SLC25A21: variants seen among roughly 807,000 people sequenced by gnomAD.
The protein encoded by SLC25A21 is solute carrier family 25 member 21, also known as mitochondrial 2-oxodicarboxylate carrier.
Under a neutral mutation model 43.8 loss-of-function variants are expected in SLC25A21, and 47 were observed. The observed-to-expected ratio is 1.07, with a 90% CI of 0.85 to 1.37. The LOEUF (loss-of-function observed/expected upper bound fraction) is 1.37, where lower values mean the gene tolerates loss of function less well. SLC25A21 is among the 40% of genes most tolerant of loss of function. The pLI is 0.00. For synonymous variants in SLC25A21, 131 were observed against 121.3 expected, an observed-to-expected ratio of 1.08 and a Z score of -0.52; for missense variants, 352 against 350.2, an observed-to-expected ratio of 1.00 and a Z score of -0.04.
chr14:36,774,206 T>C (rs1221827645), intron 3 of SLC25A21, among the ~76,000 whole-genome samples: 6 of 152,218 alleles, frequency 3.9e-5, no homozygotes, highest in Non-Finnish European at 5.9e-5. Context: ...GTTGCTTTCT[T>C]AATATTTAGC....
chr14:37,167,591 A>C (rs1262234408), intron 1 of SLC25A21, among the ~76,000 whole-genome samples: 1 of 152,160 alleles, frequency 6.6e-6, no homozygotes, highest in East Asian at 1.9e-4. Flanking sequence ...CCTTTGTGGG[A>C]CTAACAAATT....
intron 1 of SLC25A21, among the ~76,000 whole-genome samples, chr14:37,046,789 G>A (rs1961596164): frequency 6.6e-6 from 1 of 152,080 alleles, no homozygotes; most frequent in Non-Finnish European, 1.5e-5. Flanking sequence ...TGCAGGATAG[G>A]GGATTTTTAG....
At chr14:36,866,842 G>T (rs948872388) in intron 2 of SLC25A21, among the ~76,000 whole-genome samples, 5 of 152,138 alleles carry the variant, frequency 3.3e-5, no homozygotes, top group Admixed American at 6.5e-5. Context: ...AAAAACAAAA[G>T]AATGGAAAAT....
At position 36,711,342 on chromosome 14, in the gene SLC25A21, G is replaced by A; in HGVS notation, c.579C>T (p.Val193=). The change falls in exon 7 of 10, where the codon GTC becomes GTT. Residue 193 remains valine, a synonymous_variant. Coordinates refer to ENST00000331299, the MANE Select transcript of SLC25A21 (RefSeq NM_030631.4). ...NMVYFGFYYN[V]KNMIPVNKDP... is the part of the protein sequence containing the mutation. ...CCTTATTGACAGGAATCATGTTTTT[G>A]ACATTGTAGTAGAAGCCAAAATAAA... 1 of 1,613,502 alleles carries A rather than the reference G, an allele frequency of 6.2e-7. No individual in the cohort carries two copies. Among genetic ancestry groups the A allele is most frequent in the Non-Finnish European group, 8.5e-7 (1 of 1,179,866 alleles).
rs1297418704 is a variant in SLC25A21 at position 37,040,431 on chromosome 14, GAAAGAAAGA to G, written c.70+131841_70+131849del. On this transcript the variant is annotated intron_variant, in intron 1 of 9. Transcript: ENST00000331299. ...AGAAAGAAAGAAAGAAAGAAAGAAA[GAAAGAAAGA>G]AAAGAAAAATTAGTTACAGGGTGAG... Among the ~76,000 whole-genome samples the G allele has an allele frequency of 1.2e-3, 121 of 102,178 alleles. 38 individuals carry two copies. Among genetic ancestry groups the G allele is most frequent in the African/African-American group, 7.3e-3 (97 of 13,312 alleles). The allele number at this position is 102,178 out of a possible 152,430, so 67.0% of individuals were successfully genotyped here. A position where few individuals can be genotyped will look rare whatever the true frequency, so the allele number is the denominator to read the frequency against.
intron 1 of SLC25A21, among the ~76,000 whole-genome samples, chr14:36,942,657 T>C (rs1892592759): frequency 1.3e-5 from 2 of 152,170 alleles, no homozygotes; most frequent in Middle Eastern, 3.4e-3. Flanking sequence ...TGGTGAAAAA[T>C]ATAACGTGGT....
intron 3 of SLC25A21, among the ~76,000 whole-genome samples, chr14:36,752,427 T>C (rs1291271313): frequency 6.6e-6 from 1 of 152,190 alleles, no homozygotes; most frequent in Admixed American, 6.5e-5. Flanking sequence ...AAGCAGAGAC[T>C]TGAACAAATA....
At chr14:36,704,632 G>A (rs1358930552) in intron 7 of SLC25A21, among the ~76,000 whole-genome samples, 1 of 150,462 alleles carries the variant, frequency 6.6e-6, no homozygotes, top group East Asian at 2.0e-4. Context: ...ACTCCAGCCT[G>A]GGCAACAGAG....
intron 3 of SLC25A21, among the ~76,000 whole-genome samples, chr14:36,797,449 T>A (rs1401311241): frequency 6.6e-6 from 1 of 152,192 alleles, no homozygotes; most frequent in Admixed American, 6.5e-5. Context: ...ATGAATTTTT[T>A]AAAAAGCAGC....
At chr14:37,095,497 G>A (rs374274268) in intron 1 of SLC25A21, among the ~76,000 whole-genome samples, 4 of 152,084 alleles carry the variant, frequency 2.6e-5, no homozygotes, top group Admixed American at 6.6e-5. Flanking sequence ...TAACGTGGGC[G>A]ACAGAGCAAG....
At chr14:36,877,158 T>C (rs1890559151) in intron 1 of SLC25A21, among the ~76,000 whole-genome samples, 1 of 152,000 alleles carries the variant, frequency 6.6e-6, no homozygotes, top group Non-Finnish European at 1.5e-5. Context: ...CCAAAGCAAG[T>C]ACACAAAGCT....
chr14:37,015,863 T>C (rs576498385), intron 1 of SLC25A21, among the ~76,000 whole-genome samples: 199 of 152,324 alleles, frequency 1.3e-3, no homozygotes, highest in African/African-American at 4.3e-3. Flanking sequence ...TCTGTTCATC[T>C]CCTTCGCCCA....
intron 2 of SLC25A21, among the ~76,000 whole-genome samples, chr14:36,821,663 G>A (rs1170204014): frequency 2.0e-5 from 3 of 151,718 alleles, no homozygotes; most frequent in Admixed American, 1.3e-4. Flanking sequence ...CTAAAAATAC[G>A]AAAATTAGCC....
At chr14:36,762,942 C>A (rs1886220450) in intron 3 of SLC25A21, among the ~76,000 whole-genome samples, 2 of 152,104 alleles carry the variant, frequency 1.3e-5, no homozygotes, top group South Asian at 2.1e-4. Flanking sequence ...CAAAAATAAA[C>A]CTATTACCTA....
chr14:36,698,347 C>A (rs1883130194), intron 7 of SLC25A21, among the ~76,000 whole-genome samples: 1 of 152,062 alleles, frequency 6.6e-6, no homozygotes. Context: ...CCCTTAACAC[C>A]TTTTCCTTCA....
intron 1 of SLC25A21, among the ~76,000 whole-genome samples, chr14:36,961,451 G>A (rs145967420): frequency 5.9e-5 from 9 of 152,130 alleles, no homozygotes; most frequent in African/African-American, 1.9e-4. Context: ...CAAGGCCCAC[G>A]TTTTCAAAAA....
chr14:37,072,118 G>T (rs567565652), intron 1 of SLC25A21, among the ~76,000 whole-genome samples: 24 of 143,964 alleles, frequency 1.7e-4, no homozygotes, highest in African/African-American at 6.3e-4. Flanking sequence ...GGAGGCAGAC[G>T]TTGCAGTGAG....
rs550345944 is a variant in SLC25A21 at position 36,755,869 on chromosome 14, C to T, written c.204-21296G>A. Among the ~76,000 whole-genome samples the T allele has an allele frequency of 2.0e-5, 3 of 152,266 alleles. No homozygotes were observed. The East Asian group carries it at 5.8e-4, about 29-fold the overall frequency. ...AAGTGGGTCCATGTAACAGGCCTGG[C>T]ATCTGTACCAGGATGGCAAATGAGA... is the stretch of plus-strand genomic sequence containing the variant. On this transcript the variant is annotated intron_variant, in intron 3 of 9. Transcript: ENST00000331299.
At chr14:36,777,488 A>C (rs1214323338) in intron 3 of SLC25A21, among the ~76,000 whole-genome samples, 1 of 152,168 alleles carries the variant, frequency 6.6e-6, no homozygotes, top group African/African-American at 2.4e-5. Flanking sequence ...TCAAAATGAG[A>C]TCATCCTGGA....
Sources: allele counts gnomAD v4.1 joint callset (sites outside exome capture counted in the v4.1 genomes callset), GRCh38; gene constraint gnomAD v4.1.1; transcripts MANE v1.5; gene names NCBI Gene and HGNC (gene_info 2026-07-23, HGNC 2026-07-21).